MAF: variants seen among roughly 807,000 people sequenced by gnomAD.
MAF encodes the protein MAF bZIP transcription factor.
Under a neutral mutation model 22.0 loss-of-function variants are expected in MAF, and 10 were observed. The ratio of observed to expected loss-of-function variants is 0.45; its 90% CI spans 0.28 to 0.77. MAF has a LOEUF of 0.77. MAF is among the 30% of genes least tolerant of loss of function. The pLI, the probability that MAF is intolerant of heterozygous loss-of-function variation, is 0.12. For synonymous variants in MAF, 337 were observed against 255.8 expected (o/e 1.32, Z -3.03); for missense variants, 544 against 548.4 (o/e 0.99, Z 0.08).
the MAF span, among the ~76,000 whole-genome samples, chr16:79,372,548 A>G: frequency 6.6e-6 from 1 of 152,082 alleles, no homozygotes; most frequent in Non-Finnish European, 1.5e-5. Flanking sequence ...GACTGGAAAA[A>G]CCTAGGAGAG....
At chr16:79,223,231 A>G in the MAF span, among the ~76,000 whole-genome samples, 1 of 152,344 alleles carries the variant, frequency 6.6e-6, no homozygotes, top group South Asian at 2.1e-4. Context: ...CTGCACAACT[A>G]CATGGAACCT....
the MAF span, among the ~76,000 whole-genome samples, chr16:79,208,528 TA>T: frequency 1.3e-5 from 2 of 152,218 alleles, no homozygotes; most frequent in African/African-American, 4.8e-5. Flanking sequence ...TTGTTAACAT[TA>T]TTTCCTTTAG....
chr16:79,290,046 G>A, the MAF span, among the ~76,000 whole-genome samples: 60 of 151,958 alleles, frequency 3.9e-4, no homozygotes, highest in Admixed American at 7.2e-4. Flanking sequence ...TAGTAGAGAC[G>A]GGGTTTCACC....
chr16:79,487,767 C>G, the MAF span, among the ~76,000 whole-genome samples: 1 of 152,172 alleles, frequency 6.6e-6, no homozygotes, highest in Non-Finnish European at 1.5e-5. Context: ...TGGCCAGGAC[C>G]CTGGGTGACT....
the MAF span, among the ~76,000 whole-genome samples, chr16:79,230,548 G>A: frequency 3.3e-5 from 5 of 152,164 alleles, no homozygotes; most frequent in East Asian, 7.7e-4. Context: ...AATAAACGTG[G>A]GTCGAATCCT....
the MAF span, among the ~76,000 whole-genome samples, chr16:79,452,117 G>A: frequency 6.6e-6 from 1 of 152,172 alleles, no homozygotes; most frequent in African/African-American, 2.4e-5. Context: ...TGACAGAATC[G>A]AGAGACTGCA....
At chr16:79,427,569 C>G in the MAF span, among the ~76,000 whole-genome samples, 4 of 152,104 alleles carry the variant, frequency 2.6e-5, no homozygotes, top group South Asian at 8.3e-4. Context: ...TCTGGTCAGG[C>G]TACTTCTTTC....
the MAF span, among the ~76,000 whole-genome samples, chr16:79,230,005 A>G: frequency 2.6e-5 from 4 of 151,978 alleles, no homozygotes; most frequent in Non-Finnish European, 5.9e-5. Context: ...CTTACAGAAA[A>G]AAAAAGAATA....
At chr16:79,558,987 CA>C in the MAF span, among the ~76,000 whole-genome samples, 11 of 152,202 alleles carry the variant, frequency 7.2e-5, no homozygotes, top group Non-Finnish European at 1.6e-4. Flanking sequence ...CCAACAGAAA[CA>C]CTACAAAACC....
the MAF span, among the ~76,000 whole-genome samples, chr16:79,481,631 C>T: frequency 6.6e-6 from 1 of 151,524 alleles, no homozygotes; most frequent in Non-Finnish European, 1.5e-5. Context: ...CATCCATCTA[C>T]CCATCCACCC....
chr16:79,278,136 C>T, the MAF span, among the ~76,000 whole-genome samples: 62 of 152,318 alleles, frequency 4.1e-4, no homozygotes, highest in Admixed American at 7.2e-4. Context: ...CTAATTAGGA[C>T]TAGATTGAGT....
At chr16:79,467,940 G>C in the MAF span, among the ~76,000 whole-genome samples, 57 of 151,850 alleles carry the variant, frequency 3.8e-4, no homozygotes, top group Admixed American at 7.9e-4. Flanking sequence ...TGGTGGTCGT[G>C]GGGGGGTGGT....
the MAF span, among the ~76,000 whole-genome samples, chr16:79,248,974 G>C: frequency 6.6e-6 from 1 of 152,134 alleles, no homozygotes; most frequent in Admixed American, 6.5e-5. Context: ...TACTCAGAAT[G>C]CACTTAACCC....
At chr16:79,337,710 C>A in the MAF span, among the ~76,000 whole-genome samples, 1 of 152,152 alleles carries the variant, frequency 6.6e-6, no homozygotes, top group Non-Finnish European at 1.5e-5. Flanking sequence ...AAACACAATA[C>A]ATATACACAC....
At chr16:79,588,865 A>G (rs1913020841), downstream of MAF, among the ~76,000 whole-genome samples, 1 of 152,206 alleles carries the variant, frequency 6.6e-6, no homozygotes. Context: ...CAGATGAAAA[A>G]ATATATTGGA....
the MAF span, among the ~76,000 whole-genome samples, chr16:79,255,972 C>CTTTTCTTTTCTTTTTTTTTTTTTTTTT: frequency 7.7e-6 from 1 of 129,896 alleles, no homozygotes; most frequent in Admixed American, 7.7e-5. Context: ...TTTCTTTTTT[C>CTTTTCTTTTCTTTTTTTTTTTTTTTTT]TTTTCTTTTC....
the MAF span, among the ~76,000 whole-genome samples, chr16:79,500,347 A>G: frequency 1.3e-5 from 2 of 152,302 alleles, no homozygotes; most frequent in East Asian, 3.9e-4. Context: ...GTTGCCTACT[A>G]GGTGGTATGT....
the MAF span, among the ~76,000 whole-genome samples, chr16:79,217,488 C>T: frequency 2.0e-5 from 3 of 152,210 alleles, no homozygotes; most frequent in South Asian, 6.2e-4. Flanking sequence ...TTGTACATGC[C>T]ATTTATCCAG....
chr16:79,533,749 G>A, the MAF span, among the ~76,000 whole-genome samples: 1 of 152,102 alleles, frequency 6.6e-6, no homozygotes, highest in Admixed American at 6.6e-5. Flanking sequence ...ACCTCCCAGT[G>A]ACCTCTGTGC....
Sources: allele counts gnomAD v4.1 joint callset (sites outside exome capture counted in the v4.1 genomes callset), GRCh38; gene constraint gnomAD v4.1.1; transcripts MANE v1.5; gene names NCBI Gene and HGNC (gene_info 2026-07-23, HGNC 2026-07-21).